The following INTS4 variants were observed in gnomAD, a reference collection of about 807,000 sequenced individuals.
The protein encoded by INTS4 is integrator complex subunit 4.
A neutral mutation model predicts 119.5 loss-of-function variants in INTS4; 70 were observed. The ratio of observed to expected loss-of-function variants is 0.59; its 90% CI spans 0.48 to 0.71. The LOEUF (loss-of-function observed/expected upper bound fraction) is 0.71, where lower values mean the gene tolerates loss of function less well. Ranked by LOEUF, INTS4 falls within the 30% of genes least tolerant of loss-of-function variation. The pLI is 0.00. For synonymous variants in INTS4, 316 were observed against 419.6 expected (o/e 0.75, Z 3.02); for missense variants, 867 against 1,173.2 (o/e 0.74, Z 3.81).
At position 77,896,652 on chromosome 11, in the gene INTS4, CA is replaced by C. The variant is rs58549095; in HGVS notation, c.2229-2304del. Among the ~76,000 whole-genome samples, 304 of 70,702 alleles carry C rather than the reference CA, an allele frequency of 4.3e-3. 1 individual carries two copies. The highest frequency in any genetic ancestry group is 9.4e-3 in the African/African-American group (209 of 22,296). The allele number at this position is 70,702 out of a possible 152,430, so 46.4% of individuals were successfully genotyped here. On this transcript the variant is annotated intron_variant, in intron 18 of 22. Coordinates refer to ENST00000534064, the MANE Select transcript of INTS4 (RefSeq NM_033547.4). ...GGGCATCAAGAGCAAAACTCCGTCT[CA>C]AAAAAAAAAAAAAAAAGAATTTACT...
chr11:77,979,920 GT>G (rs1477865930), intron 3 of INTS4, among the ~76,000 whole-genome samples: 1 of 148,860 alleles, frequency 6.7e-6, no homozygotes, highest in African/African-American at 2.5e-5. Context: ...GGAGGTTGCA[GT>G]GAGCCGAGAT....
chr11:77,929,533 T>C (rs1457312996), intron 10 of INTS4, among the ~76,000 whole-genome samples: 3 of 152,232 alleles, frequency 2.0e-5, no homozygotes, highest in Non-Finnish European at 4.4e-5. Flanking sequence ...TCATTAAGAT[T>C]AAAGTAGACT....
At chr11:77,981,626 C>T in intron 2 of INTS4, 50 bp from the exon 3 acceptor site, 2 of 873,304 alleles carry the variant, frequency 2.3e-6, no homozygotes, top group South Asian at 3.8e-5. Flanking sequence ...CTTAGCTAAC[C>T]AACAAACAGG....
intron 4 of INTS4, among the ~76,000 whole-genome samples, chr11:77,966,491 A>T (rs1437959205): frequency 1.3e-5 from 2 of 152,170 alleles, no homozygotes; most frequent in Non-Finnish European, 2.9e-5. Context: ...GTAAGGGTCT[A>T]ATTTCATTCT....
chr11:77,940,530 A>T (rs2136526463), intron 9 of INTS4, among the ~76,000 whole-genome samples: 1 of 152,334 alleles, frequency 6.6e-6, no homozygotes, highest in Middle Eastern at 3.4e-3. Context: ...GCTGAAAAGG[A>T]GTCCTAAAAT....
intron 15 of INTS4, among the ~76,000 whole-genome samples, chr11:77,909,249 A>G (rs1953034108): frequency 6.6e-6 from 1 of 152,270 alleles, no homozygotes; most frequent in South Asian, 2.1e-4. Context: ...TAAATAAGCC[A>G]CTTAATCATA....
At chr11:77,885,718 C>T (rs1368378529) in intron 21 of INTS4, among the ~76,000 whole-genome samples, 1 of 151,712 alleles carries the variant, frequency 6.6e-6, no homozygotes, top group Non-Finnish European at 1.5e-5. Flanking sequence ...ACTTGGGAGG[C>T]TGAAGCAGGA....
At chr11:77,951,360 A>T (rs1377828506) in intron 8 of INTS4, among the ~76,000 whole-genome samples, 1 of 152,182 alleles carries the variant, frequency 6.6e-6, no homozygotes, top group Admixed American at 6.5e-5. Context: ...ATAATGCCGC[A>T]TATCTACAAC....
chr11:77,971,649 AC>A (rs1168689204), intron 4 of INTS4, among the ~76,000 whole-genome samples: 2 of 152,172 alleles, frequency 1.3e-5, no homozygotes, highest in African/African-American at 4.8e-5. Context: ...ACTCAAAAAA[AC>A]AAAAAAAACA....
chr11:77,935,656 G>A (rs1176787357), intron 10 of INTS4, among the ~76,000 whole-genome samples: 1 of 152,046 alleles, frequency 6.6e-6, no homozygotes, highest in Non-Finnish European at 1.5e-5. Flanking sequence ...AAAACTCTGG[G>A]AGGCCGAGGT....
chr11:77,984,175 G>C (rs1410337933), intron 2 of INTS4, among the ~76,000 whole-genome samples: 1 of 152,078 alleles, frequency 6.6e-6, no homozygotes, highest in Non-Finnish European at 1.5e-5. Flanking sequence ...GAGGTACTTA[G>C]AGCAGTTGAA....
intron 4 of INTS4, among the ~76,000 whole-genome samples, chr11:77,964,595 A>G (rs1326044293): frequency 1.3e-5 from 2 of 151,528 alleles, no homozygotes; most frequent in Non-Finnish European, 2.9e-5. Flanking sequence ...TAAAAATAAA[A>G]AATAAATAAA....
At chr11:77,907,095 G>A (rs1272525983) in intron 16 of INTS4, among the ~76,000 whole-genome samples, 3 of 152,096 alleles carry the variant, frequency 2.0e-5, no homozygotes, top group Non-Finnish European at 4.4e-5. Flanking sequence ...TTGTTTGTTT[G>A]TTTGTTTTCT....
At chr11:77,939,848 C>CA (rs544496333) in intron 9 of INTS4, among the ~76,000 whole-genome samples, 21,749 of 142,462 alleles carry the variant, frequency 0.15, 1,819 homozygotes, top group East Asian at 0.23. Flanking sequence ...CTGTCTCAAA[C>CA]AAAAAAAAAA....
chr11:77,952,119 T>G (rs556330604), intron 8 of INTS4, among the ~76,000 whole-genome samples: 1 of 152,350 alleles, frequency 6.6e-6, no homozygotes, highest in Admixed American at 6.5e-5. Flanking sequence ...AATTAATTTT[T>G]AATGAAAGAT....
chr11:77,916,668 G>T (rs918725602), intron 15 of INTS4, among the ~76,000 whole-genome samples: 2 of 152,188 alleles, frequency 1.3e-5, no homozygotes, highest in African/African-American at 4.8e-5. Flanking sequence ...GCTGAAGTTG[G>T]AACTGTCTTC....
chr11:77,982,829 A>G (rs1856301711), intron 2 of INTS4, among the ~76,000 whole-genome samples: 1 of 152,220 alleles, frequency 6.6e-6, no homozygotes. Flanking sequence ...TGCTTTTCAA[A>G]TAAGACCAAC....
chr11:77,908,540 G>T (rs1953017276), intron 15 of INTS4, among the ~76,000 whole-genome samples: 3 of 152,096 alleles, frequency 2.0e-5, no homozygotes, highest in Non-Finnish European at 4.4e-5. Flanking sequence ...TGTTGGCCAG[G>T]CTGGTCTCAA....
intron 16 of INTS4, among the ~76,000 whole-genome samples, chr11:77,903,830 A>C (rs1380637742): frequency 6.6e-6 from 1 of 152,152 alleles, no homozygotes; most frequent in Non-Finnish European, 1.5e-5. Flanking sequence ...ATTTGATCCA[A>C]TTCTTGGCCC....
Sources: gnomAD v4.1 joint callset for allele counts (sites outside exome capture counted in the v4.1 genomes callset) on GRCh38, gnomAD v4.1.1 for gene constraint, MANE v1.5 for transcripts, NCBI Gene and HGNC (gene_info 2026-07-23, HGNC 2026-07-21) for gene names.